The following SORBS2 variants were observed in gnomAD, a reference collection of about 807,000 sequenced individuals.
The protein encoded by SORBS2 is sorbin and SH3 domain containing 2.
A neutral mutation model predicts 97.7 loss-of-function variants in SORBS2; 46 were observed. The observed-to-expected ratio is 0.47, with a 90% CI of 0.37 to 0.60. SORBS2 has a LOEUF of 0.60. Ranked by LOEUF, SORBS2 falls within the 20% of genes least tolerant of loss-of-function variation. SORBS2 has a pLI of 0.00. For synonymous variants in SORBS2, 476 were observed against 473.4 expected (o/e 1.01, Z -0.07); for missense variants, 1,316 against 1,282.3 (o/e 1.03, Z -0.40).
Position 185,615,574 on chromosome 4 carries a change from T to A in SORBS2, c.2352-415A>T, listed in dbSNP as rs574323234. Reference sequence around the variant, plus strand: ...TTAGTTACTAGCCCCCCAGCCCCTTTTGATGTACTGAAGCTTACATGAAGG... The same window carrying A: ...TTAGTTACTAGCCCCCCAGCCCCTTATGATGTACTGAAGCTTACATGAAGG... On this transcript the variant is annotated intron_variant, in intron 9 of 14. Coordinates refer to ENST00000418609, the Ensembl canonical transcript of SORBS2. Among the ~76,000 whole-genome samples the A allele has an allele frequency of 4.6e-5, 7 of 152,224 alleles. No homozygotes were observed. The East Asian group carries it at 1.4e-3, about 29-fold the overall frequency.
chr4:185,858,227 G>T (rs181147511), intron 1 of SORBS2, among the ~76,000 whole-genome samples: 116 of 152,222 alleles, frequency 7.6e-4, no homozygotes, highest in Non-Finnish European at 1.3e-3. Flanking sequence ...AATATTGGGG[G>T]CTGGTTCCCC....
intron 1 of SORBS2, among the ~76,000 whole-genome samples, chr4:185,839,631 G>A (rs556909807): frequency 1.3e-5 from 2 of 152,306 alleles, no homozygotes; most frequent in African/African-American, 4.8e-5. Flanking sequence ...TTATAGTGCT[G>A]TAAAGAGTTG....
chr4:185,825,565 C>T (rs950443746), intron 1 of SORBS2, among the ~76,000 whole-genome samples: 2 of 152,088 alleles, frequency 1.3e-5, no homozygotes, highest in Non-Finnish European at 2.9e-5. Context: ...GGTGATGTTC[C>T]CAGCATTTCT....
intron 2 of SORBS2, among the ~76,000 whole-genome samples, chr4:185,749,593 T>C (rs2098787334): frequency 6.6e-6 from 1 of 152,224 alleles, no homozygotes; most frequent in African/African-American, 2.4e-5. Context: ...CCTTAGGGTA[T>C]ATGGACTTTT....
At chr4:185,686,706 G>A (rs895762161) in intron 2 of SORBS2, among the ~76,000 whole-genome samples, 4 of 152,228 alleles carry the variant, frequency 2.6e-5, no homozygotes, top group African/African-American at 9.6e-5. Context: ...TTATTTCCTA[G>A]TTCTGTTAAT....
intron 1 of SORBS2, among the ~76,000 whole-genome samples, chr4:185,890,896 G>A (rs1186236229): frequency 6.6e-6 from 1 of 152,110 alleles, no homozygotes; most frequent in Non-Finnish European, 1.5e-5. Context: ...AGAAACATTT[G>A]TATGTTTTAT....
At chr4:185,850,468 T>C (rs1216355216) in intron 1 of SORBS2, among the ~76,000 whole-genome samples, 1 of 152,212 alleles carries the variant, frequency 6.6e-6, no homozygotes, top group African/African-American at 2.4e-5. Context: ...AGCTCCTTGG[T>C]ATCCTGGCAT....
chr4:185,937,249 T>C (rs980101388), intron 1 of SORBS2, among the ~76,000 whole-genome samples: 1 of 152,214 alleles, frequency 6.6e-6, no homozygotes, highest in Middle Eastern at 3.2e-3. Context: ...GAGAAATACA[T>C]GTGACCTTTT....
intron 4 of SORBS2, among the ~76,000 whole-genome samples, chr4:185,665,279 G>T (rs912225974): frequency 6.6e-6 from 1 of 152,286 alleles, no homozygotes; most frequent in East Asian, 1.9e-4. Context: ...TTAGCCTCAT[G>T]CAGTCAGTAA....
rs927036409 is a variant in SORBS2 at position 185,926,358 on chromosome 4, G to A, written c.-338+29838C>T. On this transcript the variant is annotated intron_variant, in intron 1 of 20. Coordinates refer to the SORBS2 transcript ENST00000284776. ...TGAGTTTAGGCTGAGTCCTGGAGGC[G>A]GTGCCTTGTCGCCTACAGACTATGG... 2.6e-5 allele frequency among the ~76,000 whole-genome samples: 4 copies of A among 152,102 alleles called. No homozygotes were observed. In the East Asian group the frequency reaches 5.8e-4, roughly 22 times the overall value.
chr4:185,940,484 G>GC (rs577245194), intron 1 of SORBS2, among the ~76,000 whole-genome samples: 10 of 152,144 alleles, frequency 6.6e-5, no homozygotes, highest in Admixed American at 2.0e-4. Context: ...TCCTGTCCAA[G>GC]CCCCCCTCAT....
intron 2 of SORBS2, among the ~76,000 whole-genome samples, chr4:185,686,682 C>T (rs1252065547): frequency 6.6e-6 from 1 of 152,240 alleles, no homozygotes; most frequent in Non-Finnish European, 1.5e-5. Flanking sequence ...ACTGACATCA[C>T]TCTAAGAGTG....
chr4:185,792,191 G>A (rs1049715140), intron 1 of SORBS2, among the ~76,000 whole-genome samples: 2 of 152,138 alleles, frequency 1.3e-5, no homozygotes, highest in African/African-American at 2.4e-5. Flanking sequence ...TTTTCATAAC[G>A]TTAAGTAGAT....
chr4:185,699,395 T>C (rs2098226455), intron 2 of SORBS2, among the ~76,000 whole-genome samples: 1 of 150,648 alleles, frequency 6.6e-6, no homozygotes, highest in Admixed American at 6.6e-5. Context: ...CGAGCAATTC[T>C]CCTGCCTCAT....
At chr4:185,951,601 A>G (rs2099277260) in intron 1 of SORBS2, among the ~76,000 whole-genome samples, 1 of 151,644 alleles carries the variant, frequency 6.6e-6, no homozygotes, top group South Asian at 2.1e-4. Context: ...TGGATCTGTC[A>G]GACTTGCTTG....
At chr4:185,880,449 C>T (rs1054363200) in intron 1 of SORBS2, among the ~76,000 whole-genome samples, 2 of 152,092 alleles carry the variant, frequency 1.3e-5, no homozygotes, top group Admixed American at 6.5e-5. Flanking sequence ...TTGAAGCTGA[C>T]CTATCAAAAT....
intron 4 of SORBS2, 60 bp downstream of exon 15, chr4:185,638,019 T>C: frequency 1.9e-6 from 2 of 1,040,216 alleles, no homozygotes; most frequent in South Asian, 1.3e-5. Flanking sequence ...GATAATTGTA[T>C]TTTAGAAATC....
intron 1 of SORBS2, among the ~76,000 whole-genome samples, chr4:185,896,851 G>C (rs1415622659): frequency 6.7e-6 from 1 of 148,642 alleles, no homozygotes; most frequent in East Asian, 2.0e-4. Context: ...AGTGATGCCA[G>C]TGATACCTGC....
At chr4:185,879,735 C>T (rs35805502) in intron 1 of SORBS2, among the ~76,000 whole-genome samples, 62,818 of 152,002 alleles carry the variant, frequency 0.41, 13,223 homozygotes, top group East Asian at 0.56. Flanking sequence ...GATGGTATCT[C>T]ATTGCGGTTT....
Sources: gnomAD v4.1 joint callset for allele counts (sites outside exome capture counted in the v4.1 genomes callset) on GRCh38, gnomAD v4.1.1 for gene constraint, MANE v1.5 for transcripts, NCBI Gene and HGNC (gene_info 2026-07-23, HGNC 2026-07-21) for gene names.